RBFOX1: variants seen among roughly 807,000 people sequenced by gnomAD.
RBFOX1 encodes RNA binding protein fox-1 homolog 1.
In RBFOX1, 8 loss-of-function variants were observed where a neutral mutation model predicts 57.7. The observed-to-expected ratio is 0.14, with a 90% CI of 0.08 to 0.25. RBFOX1 has a LOEUF of 0.25. Among genes scored for constraint, RBFOX1 ranks in the 10% least tolerant of loss-of-function variants. The pLI, the probability that RBFOX1 is intolerant of heterozygous loss-of-function variation, is 1.00. For synonymous variants in RBFOX1, 326 were observed against 222.4 expected, an observed-to-expected ratio of 1.47 and a Z score of -4.15; for missense variants, 611 against 548.5, an observed-to-expected ratio of 1.11 and a Z score of -1.14.
chr16:7,610,139 T>TTTTTTTTTTTTTTG (rs2057174916), intron 10 of RBFOX1, among the ~76,000 whole-genome samples: 1 of 127,614 alleles, frequency 7.8e-6, no homozygotes, highest in African/African-American at 3.1e-5. Context: ...TTTTTTTTTT[T>TTTTTTTTTTTTTTG]GAGGCAGTTT....
At chr16:6,790,340 A>C (rs2082708926) in intron 3 of RBFOX1, among the ~76,000 whole-genome samples, 1 of 151,862 alleles carries the variant, frequency 6.6e-6, no homozygotes, top group Admixed American at 6.6e-5. Context: ...ACCCGCCACC[A>C]TGCCTGGCTA....
At chr16:5,858,009 C>A (rs1221877604) in intron 3 of RBFOX1, among the ~76,000 whole-genome samples, 1 of 151,990 alleles carries the variant, frequency 6.6e-6, no homozygotes, top group Non-Finnish European at 1.5e-5. Flanking sequence ...TGTGGTATTT[C>A]CAATATGTAG....
intron 4 of RBFOX1, among the ~76,000 whole-genome samples, chr16:7,420,217 G>T (rs1021672983): frequency 1.3e-5 from 2 of 152,064 alleles, no homozygotes; most frequent in African/African-American, 2.4e-5. Context: ...GACCTATTCC[G>T]TAGAGTGTGG....
chr16:7,335,953 C>T (rs1257915823), intron 4 of RBFOX1, among the ~76,000 whole-genome samples: 1 of 152,180 alleles, frequency 6.6e-6, no homozygotes, highest in African/African-American at 2.4e-5. Flanking sequence ...GCAGAAAAAG[C>T]AGAGAGGAAA....
chr16:6,081,853 A>C (rs117361841), intron 1 of RBFOX1, among the ~76,000 whole-genome samples: 1 of 152,270 alleles, frequency 6.6e-6, no homozygotes, highest in Non-Finnish European at 1.5e-5. Flanking sequence ...TGAGAGTCCT[A>C]GTCCTTGTAA....
intron 2 of RBFOX1, among the ~76,000 whole-genome samples, chr16:6,618,063 G>A (rs1402244703): frequency 6.6e-6 from 1 of 152,070 alleles, no homozygotes; most frequent in Non-Finnish European, 1.5e-5. Context: ...AGCAATCCTT[G>A]TGTTTGTTTC....
intron 3 of RBFOX1, among the ~76,000 whole-genome samples, chr16:5,697,800 G>A (rs535159458): frequency 6.6e-6 from 1 of 152,068 alleles, no homozygotes; most frequent in Admixed American, 6.6e-5. Context: ...CCAAAGTGGG[G>A]TTATTCTTTT....
At chr16:5,377,573 G>GGAAAC (rs55770980) in intron 1 of RBFOX1, among the ~76,000 whole-genome samples, 1 of 146,066 alleles carries the variant, frequency 6.8e-6, no homozygotes, top group Admixed American at 6.8e-5. Flanking sequence ...GGAAAGGAAA[G>GGAAAC]AGAGGAGATG....
chr16:6,211,228 CTTT>C (rs990122299), intron 1 of RBFOX1, among the ~76,000 whole-genome samples: 1 of 96,842 alleles, frequency 1.0e-5, no homozygotes, highest in Non-Finnish European at 2.1e-5. Context: ...ATCTAGTTAA[CTTT>C]TTTTTTTTTT....
chr16:5,828,592 G>T (rs769142838), intron 3 of RBFOX1, among the ~76,000 whole-genome samples: 1 of 151,936 alleles, frequency 6.6e-6, no homozygotes, highest in African/African-American at 2.4e-5. Context: ...CCAGCTACTC[G>T]GGAGGCCGAG....
chr16:6,691,631 A>G (rs565210715), intron 3 of RBFOX1, among the ~76,000 whole-genome samples: 2 of 152,292 alleles, frequency 1.3e-5, no homozygotes, highest in South Asian at 4.1e-4. Context: ...GTTTAAGATG[A>G]CCTTGGCTTA....
intron 2 of RBFOX1, among the ~76,000 whole-genome samples, chr16:6,538,921 T>C (rs559031618): frequency 9.8e-5 from 15 of 152,298 alleles, no homozygotes; most frequent in Admixed American, 8.5e-4. Context: ...TGTCTGTTCT[T>C]AGCTGGTGCC....
intron 2 of RBFOX1, among the ~76,000 whole-genome samples, chr16:5,533,851 C>G (rs1177360078): frequency 1.3e-5 from 2 of 152,086 alleles, no homozygotes; most frequent in Non-Finnish European, 2.9e-5. Flanking sequence ...AGCTGGATTA[C>G]CTTCTCCCAA....
In RBFOX1 at chr16:5,674,697, C is replaced by T. The variant is rs77583474; in HGVS notation, c.318+75736C>T. ...ACCTAATACGTGGCGAATGCATGGA[C>T]GTTGGAGAAAGGTTTTGATTCAAGT... On this transcript the variant is annotated intron_variant, in intron 3 of 19. Transcript: ENST00000641259. 5.4e-3 allele frequency among the ~76,000 whole-genome samples: 819 copies of T among 152,252 alleles called. 6 individuals carry two copies. The highest frequency in any genetic ancestry group is 0.019 in the African/African-American group (778 of 41,534).
chr16:7,644,141 G>T (rs1380138529), intron 11 of RBFOX1, among the ~76,000 whole-genome samples: 1 of 152,118 alleles, frequency 6.6e-6, no homozygotes, highest in African/African-American at 2.4e-5. Context: ...GTTGCATGAT[G>T]GATAAAATCA....
At chr16:7,000,740 G>C (rs2092717491) in intron 3 of RBFOX1, among the ~76,000 whole-genome samples, 4 of 151,568 alleles carry the variant, frequency 2.6e-5, no homozygotes, top group Admixed American at 2.6e-4. Context: ...AAGTAGCTGG[G>C]ACTACAGGTG....
chr16:6,932,457 A>C (rs1392306800), intron 3 of RBFOX1, among the ~76,000 whole-genome samples: 1 of 152,176 alleles, frequency 6.6e-6, no homozygotes, highest in Non-Finnish European at 1.5e-5. Context: ...ATTGGCAGTT[A>C]CATTTCAACC....
At chr16:6,394,511 T>C (rs1487411899) in intron 2 of RBFOX1, among the ~76,000 whole-genome samples, 5 of 151,764 alleles carry the variant, frequency 3.3e-5, no homozygotes, top group Non-Finnish European at 7.4e-5. Flanking sequence ...AAATTGCTTT[T>C]TTTTTGTGAT....
intron 14 of RBFOX1, among the ~76,000 whole-genome samples, chr16:7,705,649 A>C (rs907954866): frequency 1.3e-5 from 2 of 152,246 alleles, no homozygotes; most frequent in African/African-American, 4.8e-5. Context: ...GAAGGGTTTT[A>C]AGCGGGGAGT....
Sources: gnomAD v4.1 joint callset for allele counts (sites outside exome capture counted in the v4.1 genomes callset) on GRCh38, gnomAD v4.1.1 for gene constraint, MANE v1.5 for transcripts, NCBI Gene and HGNC (gene_info 2026-07-23, HGNC 2026-07-21) for gene names.